ZRSR2: variants seen among roughly 807,000 people sequenced by gnomAD.
ZRSR2 encodes the protein zinc finger CCCH-type, RNA binding motif and serine/arginine rich 2.
ZRSR2 carries 3 observed loss-of-function variants against 39.4 expected under a neutral mutation model. That is an observed-to-expected ratio of 0.08 (90% confidence interval 0.03 to 0.20). ZRSR2 has a LOEUF of 0.20. ZRSR2 is among the 10% of genes least tolerant of loss of function. ZRSR2 has a pLI of 1.00. For synonymous variants in ZRSR2, 137 were observed against 136.0 expected, an observed-to-expected ratio of 1.01 and a Z score of -0.05; for missense variants, 256 against 391.5, an observed-to-expected ratio of 0.65 and a Z score of 2.92.
chrX:15,790,877 C>T, intron 1 of ZRSR2, 57 bp from the exon 2 acceptor site: 4 of 1,095,347 alleles, frequency 3.7e-6, no homozygotes, highest in Non-Finnish European at 5.1e-6. Context: ...GAGCGGGGAG[C>T]TCGGGCAGCG....
intron 4 of ZRSR2, 49 bp downstream of exon 4, chrX:15,803,845 A>G: frequency 8.6e-7 from 1 of 1,164,957 alleles, no homozygotes; most frequent in Non-Finnish European, 1.1e-6. Context: ...ACTTCACCAT[A>G]ATAACTCTCA....
Position 15,791,038 on chromosome X carries a change from C to G in ZRSR2, c.121+25C>G, listed in dbSNP as rs766285828. The G allele has an allele frequency of 7.6e-6, 9 of 1,178,099 alleles. No individual in the cohort carries two copies. The African/African-American group carries it at 1.6e-4, about 21-fold the overall frequency. On this transcript the variant is annotated intron_variant, in intron 2 of 10. Transcript: ENST00000307771. ...GGTGATGGACTCTTTATTCTGTTTTCTGTGTTGTGAAATTGCTCTGTCCAC... is the reference window on the plus strand; with the variant it reads ...GGTGATGGACTCTTTATTCTGTTTTGTGTGTTGTGAAATTGCTCTGTCCAC...
At chrX:15,805,330 C>T (rs1428878327) in intron 5 of ZRSR2, among the ~76,000 whole-genome samples, 1 of 111,871 alleles carries the variant, frequency 8.9e-6, no homozygotes, top group Admixed American at 9.6e-5. Context: ...CCCATTTTAA[C>T]AGTAGAGTGT....
intron 2 of ZRSR2, among the ~76,000 whole-genome samples, chrX:15,792,084 G>A (rs1048618986): frequency 2.7e-5 from 3 of 112,156 alleles, no homozygotes; most frequent in African/African-American, 9.7e-5. Flanking sequence ...GGGATTATAG[G>A]CATGAGCCAC....
chrX:15,794,976 G>A (rs1932400354), intron 2 of ZRSR2, among the ~76,000 whole-genome samples: 1 of 110,863 alleles, frequency 9.0e-6, no homozygotes. Context: ...CACTGGTTTG[G>A]AAGGACTCAT....
At chrX:15,820,757 A>G (rs1046277717) in intron 10 of ZRSR2, among the ~76,000 whole-genome samples, 35 of 111,952 alleles carry the variant, frequency 3.1e-4, no homozygotes, top group African/African-American at 1.0e-3. Flanking sequence ...ATGACCACCT[A>G]CGTTACCTTG....
At chrX:15,805,912 A>G (rs1215839731) in intron 5 of ZRSR2, among the ~76,000 whole-genome samples, 1 of 97,541 alleles carries the variant, frequency 1.0e-5, no homozygotes, top group East Asian at 3.3e-4. Flanking sequence ...CCTGGGCAAT[A>G]GAACTAGACT....
At chrX:15,799,802 G>T in intron 2 of ZRSR2, 70 bp from the exon 3 acceptor site, 1 of 678,673 alleles carries the variant, frequency 1.5e-6, no homozygotes, top group Non-Finnish European at 2.2e-6. Flanking sequence ...AAGATTACAT[G>T]TATTTTTTTC....
chrX:15,816,033 C>A, intron 8 of ZRSR2, 143 bp downstream of exon 8: 1 of 405,877 alleles, frequency 2.5e-6, no homozygotes. Context: ...TCTTTCCACC[C>A]CCTACCTTGT....
chrX:15,814,811 T>G (rs1008471054), intron 7 of ZRSR2, among the ~76,000 whole-genome samples: 1 of 111,559 alleles, frequency 9.0e-6, no homozygotes, highest in East Asian at 2.8e-4. Flanking sequence ...CCTAAAGGGA[T>G]AAAAGGACCA....
chrX:15,822,795 T>C lies in ZRSR2; in HGVS notation c.1002T>C (p.Asn334=). The change falls in exon 11 of 11, where the codon AAT becomes AAC. Residue 334 remains asparagine, a synonymous_variant. Coordinates refer to ENST00000307771, the MANE Select transcript of ZRSR2 (RefSeq NM_005089.4). ...GCAACTTTCTTCATGTGTTCAGAAA[T>C]CCCAACAATGAATTCTGGGAAGCTA... ...KHCNFLHVFR[N]PNNEFWEANR... 8.2e-7 allele frequency: 1 copy of C among 1,212,164 alleles called. No individual in the cohort carries two copies. The highest frequency in any genetic ancestry group is 1.8e-5 in the South Asian group (1 of 57,034).
intron 8 of ZRSR2, 68 bp from the exon 9 acceptor site, chrX:15,818,519 C>T: frequency 9.0e-6 from 9 of 1,002,865 alleles, no homozygotes; most frequent in Non-Finnish European, 1.1e-5. Context: ...CCTGGACAAA[C>T]AACATTTGAT....
intron 2 of ZRSR2, among the ~76,000 whole-genome samples, chrX:15,794,027 C>T (rs1932367403): frequency 8.9e-6 from 1 of 112,230 alleles, no homozygotes; most frequent in South Asian, 3.7e-4. Flanking sequence ...TAACTGGAAA[C>T]AAGCTACCTC....
At chrX:15,799,825 C>A in intron 2 of ZRSR2, 47 bp from the exon 3 acceptor site, 1 of 888,045 alleles carries the variant, frequency 1.1e-6, no homozygotes, top group Non-Finnish European at 1.6e-6. Context: ...GAATTTTTGA[C>A]CAAGGATTTG....
At chrX:15,804,287 T>A in intron 5 of ZRSR2, 90 bp downstream of exon 5, 2 of 1,087,892 alleles carry the variant, frequency 1.8e-6, no homozygotes, top group South Asian at 2.7e-5. Context: ...TCTCTTTTTC[T>A]TGTCATTTCA....
intron 2 of ZRSR2, among the ~76,000 whole-genome samples, chrX:15,793,903 T>C (rs755690535): frequency 8.9e-6 from 1 of 112,661 alleles, no homozygotes; most frequent in East Asian, 2.8e-4. Context: ...GCTAGAATGT[T>C]GAGTGTAACT....
At chrX:15,797,043 C>G (rs1282650510) in intron 2 of ZRSR2, among the ~76,000 whole-genome samples, 1 of 108,701 alleles carries the variant, frequency 9.2e-6, no homozygotes, top group Admixed American at 1.0e-4. Context: ...ATCCGTCCAC[C>G]TCGGCCTCCG....
chrX:15,804,290 T>C, intron 5 of ZRSR2, 93 bp downstream of exon 5: 4 of 1,083,581 alleles, frequency 3.7e-6, no homozygotes, highest in Non-Finnish European at 4.8e-6. Flanking sequence ...CTTTTTCTTG[T>C]CATTTCATTG....
In ZRSR2 at chrX:15,804,101, C is replaced by G. The variant is rs1404961282; in HGVS notation, c.313-10C>G. 6 of 1,167,630 alleles carry G rather than the reference C, an allele frequency of 5.1e-6. No individual in the cohort carries two copies. The highest frequency in any genetic ancestry group is 6.8e-6 in the Non-Finnish European group (6 of 878,627). On this transcript the variant is annotated splice_polypyrimidine_tract_variant and intron_variant, in intron 4 of 10. Transcript: ENST00000307771. ...ACTGAAACAAAGTTACTTTTTCTTC[C>G]CCTTTAAAGAGAAAGTTAAAGGAAC... is the stretch of plus-strand genomic sequence containing the variant.
Sources: gnomAD v4.1 joint callset for allele counts (sites outside exome capture counted in the v4.1 genomes callset) on GRCh38, gnomAD v4.1.1 for gene constraint, MANE v1.5 for transcripts, NCBI Gene and HGNC (gene_info 2026-07-23, HGNC 2026-07-21) for gene names.